The following SLCO6A1 variants were observed in gnomAD, a reference collection of about 807,000 sequenced individuals.
The protein encoded by SLCO6A1 is solute carrier organic anion transporter family member 6A1, also known as cancer/testis antigen 48.
In SLCO6A1, 65 loss-of-function variants were observed where a neutral mutation model predicts 72.7. The observed-to-expected ratio is 0.89, with a 90% confidence interval of 0.73 to 1.10. The LOEUF is 1.10. SLCO6A1 is among the 50% of genes least tolerant of loss of function. The probability of loss-of-function intolerance (pLI) is 0.00; values close to 1 mark genes in which losing one functional copy is unlikely to be tolerated. For synonymous variants in SLCO6A1, 314 were observed against 298.2 expected, an observed-to-expected ratio of 1.05 and a Z score of -0.55; for missense variants, 874 against 872.6, an observed-to-expected ratio of 1.00 and a Z score of -0.02.
At chr5:102,495,537 G>C (rs1752872053) in intron 1 of SLCO6A1, among the ~76,000 whole-genome samples, 1 of 152,182 alleles carries the variant, frequency 6.6e-6, no homozygotes, top group South Asian at 2.1e-4. Flanking sequence ...GGAGGTTGCA[G>C]TGAGCCGAGA....
chr5:102,426,066 A>G (rs898745969), intron 7 of SLCO6A1, among the ~76,000 whole-genome samples: 6 of 152,220 alleles, frequency 3.9e-5, no homozygotes, highest in African/African-American at 1.4e-4. Flanking sequence ...GGCTAGCCAT[A>G]TGCAGAAAAC....
chr5:102,408,143 G>A (rs1228170247), intron 9 of SLCO6A1, among the ~76,000 whole-genome samples: 1 of 151,786 alleles, frequency 6.6e-6, no homozygotes, highest in Non-Finnish European at 1.5e-5. Flanking sequence ...CTATAATAAA[G>A]TTTAATTAAT....
intron 6 of SLCO6A1, among the ~76,000 whole-genome samples, chr5:102,450,856 G>A (rs144427420): frequency 2.4e-4 from 37 of 152,324 alleles, no homozygotes; most frequent in Admixed American, 1.3e-3. Flanking sequence ...TCACAGGGCA[G>A]CCATGGCATG....
intron 9 of SLCO6A1, among the ~76,000 whole-genome samples, chr5:102,406,326 A>G (rs1747663672): frequency 6.6e-6 from 1 of 152,140 alleles, no homozygotes. Flanking sequence ...ATGATTTAAT[A>G]TCATGCAAAA....
rs184093740 is a variant in SLCO6A1, at chr5:102,455,782, G to A, written c.1131+2600C>T. Among the ~76,000 whole-genome samples, 5 of 152,262 alleles carry A rather than the reference G, an allele frequency of 3.3e-5. No homozygotes were observed. The East Asian group carries it at 7.7e-4, about 23-fold the overall frequency. On this transcript the variant is annotated intron_variant, in intron 6 of 13. Transcript: ENST00000506729. ...ACTAGTCAAGTTATTGGCAAAGCCAGCCCTATTTTTTATTATCTGTAAAGT... is the reference window on the plus strand; with the variant it reads ...ACTAGTCAAGTTATTGGCAAAGCCAACCCTATTTTTTATTATCTGTAAAGT...
intron 1 of SLCO6A1, among the ~76,000 whole-genome samples, chr5:102,484,634 G>T (rs922194891): frequency 6.6e-6 from 1 of 151,824 alleles, no homozygotes; most frequent in African/African-American, 2.4e-5. Flanking sequence ...CTGGGCGACA[G>T]AGGGAGACTC....
At chr5:102,456,119 C>T (rs889620813) in intron 6 of SLCO6A1, among the ~76,000 whole-genome samples, 2 of 151,968 alleles carry the variant, frequency 1.3e-5, no homozygotes, top group African/African-American at 2.4e-5. Flanking sequence ...AATAATAAGA[C>T]CTATCTATAA....
At chr5:102,382,063 T>G (rs1410566348) in intron 12 of SLCO6A1, among the ~76,000 whole-genome samples, 1 of 151,730 alleles carries the variant, frequency 6.6e-6, no homozygotes, top group Non-Finnish European at 1.5e-5. Flanking sequence ...AAAAAGTAGC[T>G]TTTTTGTTTG....
At chr5:102,479,602 A>G (rs1178144593) in intron 2 of SLCO6A1, among the ~76,000 whole-genome samples, 1 of 152,078 alleles carries the variant, frequency 6.6e-6, no homozygotes, top group Non-Finnish European at 1.5e-5. Flanking sequence ...CACTATCCCA[A>G]TGTCCCCTTC....
rs113272348 is a variant in SLCO6A1, at chr5:102,401,430, T to C, written c.1627-1688A>G. Among the ~76,000 whole-genome samples, 318 of 152,238 alleles carry C rather than the reference T, an allele frequency of 2.1e-3. 3 individuals carry two copies. Among genetic ancestry groups the C allele is most frequent in the African/African-American group, 7.3e-3 (302 of 41,536 alleles). ...ATTGGATGGATATATAAATGATATA[T>C]TTTAAAAGATCATTGTGACTGCTAT... On this transcript the variant is annotated intron_variant, in intron 9 of 13. Coordinates refer to ENST00000506729, the MANE Select transcript of SLCO6A1 (RefSeq NM_173488.5).
At chr5:102,456,975 A>G (rs562201487) in intron 6 of SLCO6A1, among the ~76,000 whole-genome samples, 3 of 152,328 alleles carry the variant, frequency 2.0e-5, no homozygotes, top group African/African-American at 7.2e-5. Flanking sequence ...GATCTTTGAC[A>G]AACCTGAGAA....
intron 12 of SLCO6A1, among the ~76,000 whole-genome samples, chr5:102,375,954 A>G (rs1745764635): frequency 1.3e-5 from 2 of 152,214 alleles, no homozygotes; most frequent in Admixed American, 1.3e-4. Flanking sequence ...CAAAAGAGGG[A>G]AAAAAAGCAA....
intron 4 of SLCO6A1, among the ~76,000 whole-genome samples, chr5:102,468,915 G>C (rs576750851): frequency 6.6e-6 from 1 of 152,044 alleles, no homozygotes; most frequent in Non-Finnish European, 1.5e-5. Context: ...ATTAAATAGG[G>C]AATCCTTTCC....
At position 102,498,969 on chromosome 5, in the gene SLCO6A1, GC is replaced by G. The variant is rs1753048293; in HGVS notation, c.-126del. On this transcript the variant is annotated 5_prime_UTR_variant, in exon 1 of 14. Coordinates refer to ENST00000506729, the MANE Select transcript of SLCO6A1 (RefSeq NM_173488.5). ...GACTCGGTGGCCACAAGGGGCTCTT[GC>G]CGCCCAAGCCTCCAGAGCGAACGTT... The G allele has an allele frequency of 3.4e-6, 3 of 872,498 alleles. No homozygotes were observed. In the Admixed American group the frequency reaches 7.0e-5, roughly 20 times the overall value. 54.0% of individuals were successfully genotyped at this position (872,498 alleles called of 1,614,324 possible).
Position 102,460,471 on chromosome 5 carries a change from T to C in SLCO6A1, c.900-694A>G, listed in dbSNP as rs1445030202. ...GTTATTATTCTCATTTTACTCATAA[T>C]TATTTTGCAGTTTAAGCATACTTTG... On this transcript the variant is annotated intron_variant, in intron 4 of 13. Transcript: ENST00000506729. Among the ~76,000 whole-genome samples, 7 of 152,296 alleles carry C rather than the reference T, an allele frequency of 4.6e-5. 1 individual carries two copies. In the East Asian group the frequency reaches 1.2e-3, roughly 25 times the overall value.
intron 9 of SLCO6A1, among the ~76,000 whole-genome samples, chr5:102,411,235 GTGTT>G (rs999343211): frequency 3.3e-5 from 5 of 151,730 alleles, no homozygotes; most frequent in Non-Finnish European, 5.9e-5. Flanking sequence ...ATGTGTGTGT[GTGTT>G]TGTGTGTGTA....
chr5:102,480,074 T>C, intron 2 of SLCO6A1, 103 bp downstream of exon 2: 1 of 1,111,276 alleles, frequency 9.0e-7, no homozygotes, highest in Non-Finnish European at 1.3e-6. Context: ...GATGGATGGA[T>C]AGATATACAG....
At chr5:102,455,022 AT>A (rs1226547082) in intron 6 of SLCO6A1, among the ~76,000 whole-genome samples, 1 of 110,606 alleles carries the variant, frequency 9.0e-6, no homozygotes, top group African/African-American at 3.1e-5. Flanking sequence ...ATATATATAT[AT>A]ATATAAATTA....
At chr5:102,405,690 A>G (rs561561435) in intron 9 of SLCO6A1, among the ~76,000 whole-genome samples, 4 of 152,098 alleles carry the variant, frequency 2.6e-5, no homozygotes, top group Non-Finnish European at 5.9e-5. Context: ...AAGTTCTTCA[A>G]GCTTAAGGTA....
Sources: gnomAD v4.1 joint callset for allele counts (sites outside exome capture counted in the v4.1 genomes callset) on GRCh38, gnomAD v4.1.1 for gene constraint, MANE v1.5 for transcripts, NCBI Gene and HGNC (gene_info 2026-07-23, HGNC 2026-07-21) for gene names.